CRNKL1: variants seen among roughly 807,000 people sequenced by gnomAD.
The protein encoded by CRNKL1 is crooked neck pre-mRNA splicing factor 1, also known as crooked neck-like protein 1.
In CRNKL1, 35 loss-of-function variants were observed where a neutral mutation model predicts 103.7. The observed-to-expected ratio is 0.34, with a 90% CI of 0.26 to 0.45. The LOEUF is 0.45. Ranked by LOEUF, CRNKL1 falls within the 20% of genes least tolerant of loss-of-function variation. The pLI is 1.00. For synonymous variants in CRNKL1, 267 were observed against 282.6 expected (o/e 0.94, Z 0.55); for missense variants, 645 against 836.0 (o/e 0.77, Z 2.82).
Position 20,047,828 on chromosome 20 carries a change from A to C in CRNKL1, c.559T>G (p.Ser187Ala), listed in dbSNP as rs764076422. 8 of 1,614,222 alleles carry C rather than the reference A, an allele frequency of 5.0e-6. No individual in the cohort carries two copies. The highest frequency in any genetic ancestry group is 5.9e-6 in the Non-Finnish European group (7 of 1,180,046). ...TATCTCAGCTCAAAGTTGATGTAGG[A>C]GTGCCAGGCTTGCTCCTCAGGCTGC... ...EWQPEEQAWH[S>A]YINFELRYKE... Residue 187 changes from serine to alanine, a missense_variant, in exon 5 of 14, where the codon TCC becomes GCC. By Grantham distance (99) the Ser-to-Ala change is moderately conservative (BLOSUM62 1). This residue lies in a region of CRNKL1 where 582 missense variants were observed against 707.7 expected (regional missense o/e 0.82). Coordinates refer to ENST00000536226, the MANE Select transcript of CRNKL1 (RefSeq NM_001278628.2).
intron 13 of CRNKL1, among the ~76,000 whole-genome samples, chr20:20,037,071 C>T (rs899388170): frequency 9.2e-5 from 14 of 152,178 alleles, no homozygotes; most frequent in African/African-American, 3.4e-4. Flanking sequence ...AAAAATATCA[C>T]ACTTCATGAA....
chr20:20,049,043 T>C (rs1262004056), intron 3 of CRNKL1, among the ~76,000 whole-genome samples: 3 of 111,864 alleles, frequency 2.7e-5, no homozygotes, highest in African/African-American at 1.6e-4. Context: ...TTTTTGGCCA[T>C]TGTTTAGCTG....
chr20:20,038,251 AAAAC>A (rs2043455004), intron 12 of CRNKL1, 94 bp downstream of exon 12: 18 of 739,680 alleles, frequency 2.4e-5, no homozygotes, highest in African/African-American at 1.3e-4. Context: ...AAAAAAAAAA[AAAAC>A]AAAAACCCAA....
At position 20,039,818 on chromosome 20, in the gene CRNKL1, T is replaced by G; in HGVS notation, c.1336A>C (p.Lys446Gln). The change falls in exon 11 of 14, where the codon AAA becomes CAA. Residue 446 changes from lysine to glutamine, a missense_variant. By Grantham distance (53) the Lys-to-Gln change is moderately conservative. Around this residue, in one of 2 missense-constraint regions of CRNKL1, gnomAD observed 582 missense variants for 707.7 expected, o/e 0.82. Coordinates refer to ENST00000536226, the MANE Select transcript of CRNKL1 (RefSeq NM_001278628.2). ...GTSIGKCPKN[K>Q]LFKVYIELEL... ...AATTCTATGTAAACTTTAAATAATTTGTTCTTTGGACATTTGCCTATGGAA... is the reference window on the plus strand; with the variant it reads ...AATTCTATGTAAACTTTAAATAATTGGTTCTTTGGACATTTGCCTATGGAA... 6.2e-7 allele frequency: 1 copy of G among 1,614,028 alleles called. No homozygotes were observed. The highest frequency in any genetic ancestry group is 1.1e-5 in the South Asian group (1 of 91,072).
upstream of CRNKL1, among the ~76,000 whole-genome samples, chr20:20,055,305 A>G (rs899464602): frequency 4.6e-5 from 7 of 152,190 alleles, no homozygotes; most frequent in East Asian, 5.8e-4. Flanking sequence ...CTAGAATGCC[A>G]TACCCACTTT....
At chr20:20,054,524 A>G (rs985425922), upstream of CRNKL1, among the ~76,000 whole-genome samples, 14 of 152,254 alleles carry the variant, frequency 9.2e-5, no homozygotes, top group African/African-American at 2.9e-4. Flanking sequence ...AAAATTATAC[A>G]TAAGTCAACT....
chr20:20,052,655 T>TC, upstream of CRNKL1: 1 of 1,613,378 alleles, frequency 6.2e-7, no homozygotes, highest in Non-Finnish European at 8.5e-7. Context: ...CCAGGGCGCA[T>TC]CCCCAGGTCA....
At chr20:20,037,817 A>C (rs2043445916) in intron 12 of CRNKL1, among the ~76,000 whole-genome samples, 1 of 152,210 alleles carries the variant, frequency 6.6e-6, no homozygotes, top group Non-Finnish European at 1.5e-5. Context: ...GGCTGGGTGC[A>C]GTGGCTCACG....
In CRNKL1 at chr20:20,035,062, A is replaced by AT. The variant is rs1281866109; in HGVS notation, c.*1132_*1133insA. ...TTGAGAATGTGAGCAACGTATCAGCAAATACATTCATTCTTGTGCTACTCT... is the reference window on the plus strand; with the variant it reads ...TTGAGAATGTGAGCAACGTATCAGCATAATACATTCATTCTTGTGCTACTCT... On this transcript the variant is annotated 3_prime_UTR_variant, in exon 14 of 14. Coordinates refer to ENST00000536226, the MANE Select transcript of CRNKL1 (RefSeq NM_001278628.2). 6.6e-6 allele frequency: 1 copy of AT among 152,224 alleles called. No individual in the cohort carries two copies. Among genetic ancestry groups the AT allele is most frequent in the African/African-American group, 2.4e-5 (1 of 41,456 alleles). 9.4% of individuals were successfully genotyped at this position (152,224 alleles called of 1,614,324 possible). A position where few individuals can be genotyped will look rare whatever the true frequency, so the allele number is the denominator to read the frequency against.
chr20:20,054,558 T>C (rs1170061843), upstream of CRNKL1, among the ~76,000 whole-genome samples: 1 of 152,238 alleles, frequency 6.6e-6, no homozygotes, highest in Non-Finnish European at 1.5e-5. Context: ...AGTAAAATTT[T>C]GTGGGAATAC....
At chr20:20,052,880 AC>A, upstream of CRNKL1, 1 of 680,508 alleles carries the variant, frequency 1.5e-6, no homozygotes, top group Non-Finnish European at 2.5e-6. Context: ...CTCTGGGTCC[AC>A]GCCCCCTCGT....
At chr20:20,052,074 T>A (rs994537803) in intron 1 of CRNKL1, among the ~76,000 whole-genome samples, 1 of 151,752 alleles carries the variant, frequency 6.6e-6, no homozygotes, top group Non-Finnish European at 1.5e-5. Flanking sequence ...CCCACTCCAC[T>A]CCCCAGCAAA....
At chr20:20,050,646 A>G (rs1473839340) in intron 1 of CRNKL1, 24 bp from the exon 2 acceptor site, 1 of 1,580,446 alleles carries the variant, frequency 6.3e-7, no homozygotes, top group Non-Finnish European at 8.6e-7. Flanking sequence ...AGACATTTCT[A>G]TTTTTAGTAG....
At chr20:20,037,718 G>T in intron 12 of CRNKL1, 147 bp from the exon 13 acceptor site, 1 of 690,070 alleles carries the variant, frequency 1.4e-6, no homozygotes, top group Non-Finnish European at 2.3e-6. Context: ...ATGAATATAT[G>T]CTTCAATATA....
upstream of CRNKL1, among the ~76,000 whole-genome samples, chr20:20,054,532 A>G (rs1191989736): frequency 6.6e-6 from 1 of 152,196 alleles, no homozygotes; most frequent in African/African-American, 2.4e-5. Flanking sequence ...ACATAAGTCA[A>G]CTTTCAGTGT....
chr20:20,040,560 C>A, intron 10 of CRNKL1, 126 bp downstream of exon 10: 1 of 717,510 alleles, frequency 1.4e-6, no homozygotes, highest in East Asian at 2.6e-5. Context: ...CTAACATGTC[C>A]CAGGCTATAA....
rs372111380 is a variant in CRNKL1 at position 20,036,527 on chromosome 20, G to GT, written c.1897-166dup. On this transcript the variant is annotated intron_variant, in intron 13 of 13. Transcript: ENST00000536226. ...GCTGGGTCTGAAAGACTGGGAGTGAGTAAGCAGCAACTGTAGCTCAGTGAG... is the reference window on the plus strand; with the variant it reads ...GCTGGGTCTGAAAGACTGGGAGTGAGTTAAGCAGCAACTGTAGCTCAGTGAG... Among the ~76,000 whole-genome samples, 679 of 152,336 alleles carry GT rather than the reference G, an allele frequency of 4.5e-3. 4 individuals are homozygous for GT. The highest frequency in any genetic ancestry group is 0.017 in the Middle Eastern group (5 of 294).
chr20:20,052,677 TGGGATGACCA>T, upstream of CRNKL1: 4 of 1,612,982 alleles, frequency 2.5e-6, no homozygotes, highest in Non-Finnish European at 3.4e-6. Context: ...CCTCCGGAAC[TGGGATGACCA>T]GGCGAGGACG....
intron 1 of CRNKL1, 99 bp from the exon 2 acceptor site, chr20:20,050,721 T>A: frequency 9.7e-7 from 1 of 1,032,516 alleles, no homozygotes; most frequent in African/African-American, 1.6e-5. Flanking sequence ...TTGTTAGTAT[T>A]ATCACAAGAT....
Sources: gnomAD v4.1 joint callset for allele counts (sites outside exome capture counted in the v4.1 genomes callset) on GRCh38, gnomAD v4.1.1 for gene constraint, gnomAD v4.1.1 regional missense constraint, MANE v1.5 for transcripts, NCBI Gene and HGNC (gene_info 2026-07-23, HGNC 2026-07-21) for gene names.